CPNE4: variants seen among roughly 807,000 people sequenced by gnomAD.
CPNE4 encodes copine-4.
In CPNE4, 25 loss-of-function variants were observed where a neutral mutation model predicts 67.9. That is an observed-to-expected ratio of 0.37 (90% CI 0.27 to 0.51). CPNE4 has a LOEUF of 0.51. CPNE4 is among the 20% of genes least tolerant of loss of function. The pLI is 0.93. For missense variants in CPNE4, 464 were observed against 690.8 expected (o/e 0.67, Z 3.68); for synonymous variants, 242 against 244.9 (o/e 0.99, Z 0.11).
intron 7 of CPNE4, among the ~76,000 whole-genome samples, chr3:131,642,354 C>T (rs954815267): frequency 1.8e-4 from 27 of 152,068 alleles, no homozygotes; most frequent in African/African-American, 6.5e-4. Flanking sequence ...CAGCATCTCC[C>T]CTAAACTTTG....
At chr3:131,561,319 A>G (rs1341489523) in intron 11 of CPNE4, among the ~76,000 whole-genome samples, 1 of 151,632 alleles carries the variant, frequency 6.6e-6, no homozygotes, top group Non-Finnish European at 1.5e-5. Flanking sequence ...AAGTGCTACA[A>G]CTTGAGCTTG....
upstream of CPNE4, among the ~76,000 whole-genome samples, chr3:132,036,989 C>T (rs558316941): frequency 9.2e-5 from 14 of 152,182 alleles, no homozygotes; most frequent in African/African-American, 2.6e-4. Context: ...AGGGTGTGGG[C>T]GGTTGAAATG....
intron 2 of CPNE4, among the ~76,000 whole-genome samples, chr3:131,792,617 A>ATG (rs1292989984): frequency 1.0e-4 from 10 of 99,198 alleles, no homozygotes; most frequent in African/African-American, 4.1e-4. Context: ...GTGTGTATAT[A>ATG]TGTATATATA....
In CPNE4 at chr3:132,020,463, C is replaced by A. The variant is rs1036301935; in HGVS notation, c.-2+14104G>T. ...TGTGGAGCTGAGCTGAGAGAAACTC[C>A]GGCTGTCTTCTCAGGAAAGGGGGAC... On this transcript the variant is annotated intron_variant, in intron 1 of 15. Coordinates refer to ENST00000429747, the MANE Select transcript of CPNE4 (RefSeq NM_130808.3). Among the ~76,000 whole-genome samples, 3 of 152,154 alleles carry A rather than the reference C, an allele frequency of 2.0e-5. No homozygotes were observed. In the East Asian group the frequency reaches 5.8e-4, roughly 29 times the overall value.
intron 1 of CPNE4, among the ~76,000 whole-genome samples, chr3:132,016,691 C>T (rs898168690): frequency 6.6e-6 from 1 of 152,162 alleles, no homozygotes; most frequent in African/African-American, 2.4e-5. Context: ...ATATTAAAAT[C>T]CTATTTGGAA....
intron 1 of CPNE4, among the ~76,000 whole-genome samples, chr3:131,943,007 T>C (rs1482794624): frequency 6.6e-6 from 1 of 152,144 alleles, no homozygotes; most frequent in Non-Finnish European, 1.5e-5. Flanking sequence ...AACTATAGGC[T>C]CACAATTCCT....
At position 131,875,990 on chromosome 3, in the gene CPNE4, A is replaced by G. The variant is rs1248345208; in HGVS notation, c.180+29274T>C. On this transcript the variant is annotated intron_variant, in intron 2 of 15. Transcript: ENST00000429747. ...AATTTTCATTGTAAATACTCAGTGCAGTTAAAATAGAAATGAGCCATCTTT... is the reference window on the plus strand; with the variant it reads ...AATTTTCATTGTAAATACTCAGTGCGGTTAAAATAGAAATGAGCCATCTTT... 2.0e-5 allele frequency among the ~76,000 whole-genome samples: 3 copies of G among 152,328 alleles called. No homozygotes were observed. The East Asian group carries it at 5.8e-4, about 29-fold the overall frequency.
At chr3:131,769,554 T>C (rs1012679122) in intron 2 of CPNE4, among the ~76,000 whole-genome samples, 2 of 152,168 alleles carry the variant, frequency 1.3e-5, no homozygotes, top group African/African-American at 4.8e-5. Flanking sequence ...GCCGCAGTGA[T>C]GATAACCTGT....
intron 1 of CPNE4, among the ~76,000 whole-genome samples, chr3:131,942,293 A>G (rs901024063): frequency 6.6e-5 from 10 of 152,014 alleles, no homozygotes; most frequent in African/African-American, 2.2e-4. Flanking sequence ...CTACCTAACT[A>G]TAAGAGCACA....
At chr3:131,840,978 G>C (rs138730174) in intron 2 of CPNE4, among the ~76,000 whole-genome samples, 256 of 152,176 alleles carry the variant, frequency 1.7e-3, no homozygotes, top group Non-Finnish European at 2.9e-3. Flanking sequence ...ACAGAACTCT[G>C]TTCTTCCCCC....
Position 131,813,403 on chromosome 3 carries a change from C to T in CPNE4, c.181-89778G>A, listed in dbSNP as rs550376201. 1.3e-4 allele frequency among the ~76,000 whole-genome samples: 19 copies of T among 149,502 alleles called. No individual in the cohort carries two copies. The East Asian group carries it at 3.7e-3, about 29-fold the overall frequency. On this transcript the variant is annotated intron_variant, in intron 2 of 15. Transcript: ENST00000429747. ...TAAATATATATATAGTATGTATATACAAACGTATATATGTATGTGTGTATA... is the reference window on the plus strand; with the variant it reads ...TAAATATATATATAGTATGTATATATAAACGTATATATGTATGTGTGTATA...
At chr3:131,716,931 C>T (rs1259296706) in intron 3 of CPNE4, among the ~76,000 whole-genome samples, 1 of 152,260 alleles carries the variant, frequency 6.6e-6, no homozygotes, top group South Asian at 2.1e-4. Flanking sequence ...CAGACTCTGA[C>T]CCTGCCCTGC....
At chr3:131,951,712 G>A (rs1366101155) in intron 1 of CPNE4, among the ~76,000 whole-genome samples, 1 of 152,236 alleles carries the variant, frequency 6.6e-6, no homozygotes, top group Non-Finnish European at 1.5e-5. Context: ...GCAAGCGCGT[G>A]CCGCCACGCC....
intron 2 of CPNE4, among the ~76,000 whole-genome samples, chr3:131,855,174 C>T (rs954146104): frequency 3.3e-5 from 5 of 151,976 alleles, no homozygotes; most frequent in South Asian, 2.1e-4. Context: ...TCAACTGATT[C>T]ATTTTCACTT....
chr3:131,855,622 G>A (rs1323018601), intron 2 of CPNE4, among the ~76,000 whole-genome samples: 2 of 151,898 alleles, frequency 1.3e-5, no homozygotes, highest in African/African-American at 4.8e-5. Context: ...CTCATTCCTT[G>A]CACAGTTAGG....
intron 1 of CPNE4, among the ~76,000 whole-genome samples, chr3:132,024,888 A>C (rs1208978388): frequency 3.3e-5 from 5 of 152,194 alleles, no homozygotes. Context: ...GTGGTACCAC[A>C]CAGGAGACAA....
At chr3:131,594,440 A>G (rs1447320812) in intron 7 of CPNE4, among the ~76,000 whole-genome samples, 1 of 152,254 alleles carries the variant, frequency 6.6e-6, no homozygotes, top group Non-Finnish European at 1.5e-5. Context: ...TCAATAATAC[A>G]CAATGGGGAA....
At chr3:131,870,392 C>T (rs559336812) in intron 2 of CPNE4, among the ~76,000 whole-genome samples, 45 of 152,190 alleles carry the variant, frequency 3.0e-4, no homozygotes, top group African/African-American at 1.0e-3. Flanking sequence ...CACAGATTTA[C>T]GATATGAGGG....
chr3:131,694,153 G>T (rs557546989), intron 5 of CPNE4, among the ~76,000 whole-genome samples: 1 of 152,092 alleles, frequency 6.6e-6, no homozygotes, highest in Admixed American at 6.6e-5. Flanking sequence ...CAATTTTTAA[G>T]TGTATGTAGA....
Sources: gnomAD v4.1 joint callset for allele counts (sites outside exome capture counted in the v4.1 genomes callset) on GRCh38, gnomAD v4.1.1 for gene constraint, MANE v1.5 for transcripts, NCBI Gene and HGNC (gene_info 2026-07-23, HGNC 2026-07-21) for gene names.